RNF144B: variants seen among roughly 807,000 people sequenced by gnomAD.
RNF144B encodes E3 ubiquitin-protein ligase RNF144B.
RNF144B carries 25 observed loss-of-function variants against 40.2 expected under a neutral mutation model. The ratio of observed to expected loss-of-function variants is 0.62; its 90% CI spans 0.45 to 0.87. RNF144B has a LOEUF of 0.87. RNF144B is among the 40% of genes least tolerant of loss of function. The pLI is 0.00. For missense variants in RNF144B, 365 were observed against 373.7 expected (o/e 0.98, Z 0.19); for synonymous variants, 145 against 136.3 (o/e 1.06, Z -0.44).
In RNF144B at chr6:18,463,327, T is replaced by C. The variant is rs757556670; in HGVS notation, c.718T>C (p.Cys240Arg). ...CCTCAGACATTATGACAAAGGGCCA[T>C]GCAGGAATAAACTTGGCCACTCAAG... ...IFLRHYDKGP[C>R]RNKLGHSRAS... The change falls in exon 7 of 8, where the codon TGC becomes CGC. Residue 240 changes from cysteine to arginine, a missense_variant. Cys to Arg is a radical substitution (Grantham distance 180, BLOSUM62 -3). Transcript: ENST00000259939. 7 of 1,610,640 alleles carry C rather than the reference T, an allele frequency of 4.3e-6. No individual in the cohort carries two copies. The Admixed American group carries it at 5.0e-5, about 12-fold the overall frequency.
chr6:18,432,441 CT>C (rs1276506925), intron 3 of RNF144B, among the ~76,000 whole-genome samples: 2 of 152,224 alleles, frequency 1.3e-5, no homozygotes, highest in African/African-American at 4.8e-5. Context: ...TCATCTGGTA[CT>C]TTTAGCTTTT....
rs1795192897 is a variant in RNF144B at position 18,418,603 on chromosome 6, G to A, written c.166-8978G>A. ...GGAGAAATGGGGAGCATGTACTAAT[G>A]GGCACAGAGTTTCTTTTGGGATTAT... On this transcript the variant is annotated intron_variant, in intron 2 of 7. Coordinates refer to ENST00000259939, the MANE Select transcript of RNF144B (RefSeq NM_182757.4). The surrounding 1 kb of genome is among the most constrained non-coding windows in gnomAD (Gnocchi z 5.2). 6.6e-6 allele frequency among the ~76,000 whole-genome samples: 1 copy of A among 152,030 alleles called. No homozygotes were observed. Among genetic ancestry groups the A allele is most frequent in the South Asian group, 2.1e-4 (1 of 4,828 alleles).
At position 18,459,159 on chromosome 6, in the gene RNF144B, T is replaced by C. The variant is rs1376281450; in HGVS notation, c.537-448T>C. Among the ~76,000 whole-genome samples the C allele has an allele frequency of 6.6e-6, 1 of 152,238 alleles. No homozygotes were observed. The highest frequency in any genetic ancestry group is 1.5e-5 in the Non-Finnish European group (1 of 68,056). The stretch of plus-strand genomic sequence containing the variant: ...AGCCTGTATTGGTCTATTCGTCTGT[T>C]TGGAGAAGGTCTTTTGAAAGTATTT... On this transcript the variant is annotated intron_variant, in intron 5 of 7. Coordinates refer to ENST00000259939, the MANE Select transcript of RNF144B (RefSeq NM_182757.4). The surrounding 1 kb of genome is among the most constrained non-coding windows in gnomAD (Gnocchi z 4.2).
Position 18,422,379 on chromosome 6 carries a change from G to A in RNF144B, c.166-5202G>A, listed in dbSNP as rs1321997118. On this transcript the variant is annotated intron_variant, in intron 2 of 7. Transcript: ENST00000259939. This position sits in a 1 kb window ranked among gnomAD's most constrained non-coding sequence, Gnocchi z 4.7. ...CATTGTGATGTCATTGTGCACTGAGGCAGGGAAATGTTAGTCTACATTTTA... is the reference window on the plus strand; with the variant it reads ...CATTGTGATGTCATTGTGCACTGAGACAGGGAAATGTTAGTCTACATTTTA... Among the ~76,000 whole-genome samples, 1 of 152,192 alleles carries A rather than the reference G, an allele frequency of 6.6e-6. No individual in the cohort carries two copies. Among genetic ancestry groups the A allele is most frequent in the Admixed American group, 6.5e-5 (1 of 15,282 alleles).
intron 3 of RNF144B, 146 bp from the exon 4 acceptor site, chr6:18,439,538 A>G (rs1175230027): frequency 3.3e-6 from 2 of 612,146 alleles, no homozygotes; most frequent in Non-Finnish European, 6.0e-6. Context: ...GTGTTTTACT[A>G]CATGAACAGT....
intron 3 of RNF144B, among the ~76,000 whole-genome samples, chr6:18,432,870 G>A (rs729378): frequency 2.6e-4 from 40 of 152,068 alleles, no homozygotes; most frequent in African/African-American, 8.7e-4. Context: ...TGCTAGTGCC[G>A]CAGTGTGCAC....
At chr6:18,453,137 CTTTT>C (rs33972716) in intron 4 of RNF144B, among the ~76,000 whole-genome samples, 2 of 103,370 alleles carry the variant, frequency 1.9e-5, no homozygotes, top group Admixed American at 1.2e-4. Context: ...TTTCTGTCTG[CTTTT>C]TTTTTTTTTT....
chr6:18,417,875 A>G (rs1487347498), intron 2 of RNF144B, among the ~76,000 whole-genome samples: 3 of 152,202 alleles, frequency 2.0e-5, no homozygotes, highest in African/African-American at 7.2e-5. Flanking sequence ...AATTCTTACA[A>G]CTCAGTAATG....
chr6:18,387,706 C>A (rs1018348152), intron 1 of RNF144B, 76 bp downstream of exon 1: 14 of 1,198,022 alleles, frequency 1.2e-5, no homozygotes, highest in South Asian at 1.3e-5. Flanking sequence ...GGAAAAAGGA[C>A]AGGAAACTCA....
In RNF144B at chr6:18,459,773, T is replaced by G; in HGVS notation, c.681+22T>G. 6.2e-7 allele frequency: 1 copy of G among 1,611,984 alleles called. No individual in the cohort carries two copies. The highest frequency in any genetic ancestry group is 8.5e-7 in the Non-Finnish European group (1 of 1,178,176). ...GGATGTAAGTTCCACCTAGGTTTGT[T>G]GTATGGTGTTTCCTATACTGTATCT... On this transcript the variant is annotated intron_variant, in intron 6 of 7. Coordinates refer to ENST00000259939, the MANE Select transcript of RNF144B (RefSeq NM_182757.4). This position sits in a 1 kb window ranked among gnomAD's most constrained non-coding sequence, Gnocchi z 4.2.
At chr6:18,393,269 T>C (rs916252797) in intron 1 of RNF144B, among the ~76,000 whole-genome samples, 1 of 152,238 alleles carries the variant, frequency 6.6e-6, no homozygotes. Flanking sequence ...ATTGAAAGAA[T>C]GTACGCTGGT....
At position 18,405,979 on chromosome 6, in the gene RNF144B, G is replaced by T. The variant is rs1794896165; in HGVS notation, c.165+6280G>T. ...TAGTTCCCCCACCCTCCTAATGAAA[G>T]AAGTCATTTTCTGGGATGCCAGTAT... On this transcript the variant is annotated intron_variant, in intron 2 of 7. Coordinates refer to ENST00000259939, the MANE Select transcript of RNF144B (RefSeq NM_182757.4). This position sits in a 1 kb window ranked among gnomAD's most constrained non-coding sequence, Gnocchi z 4.5. The T allele has an allele frequency of 7.9e-6, 4 of 507,880 alleles. No homozygotes were observed. The highest frequency in any genetic ancestry group is 1.6e-5 in the Non-Finnish European group (4 of 253,870). 31.5% of individuals were successfully genotyped at this position (507,880 alleles called of 1,614,324 possible).
intron 3 of RNF144B, among the ~76,000 whole-genome samples, chr6:18,429,202 A>G (rs10949505): frequency 0.12 from 18,267 of 152,070 alleles, 1,317 homozygotes; most frequent in Admixed American, 0.19. Flanking sequence ...CATCTCTTAA[A>G]AAAAATGGGA....
At chr6:18,463,489 C>T (rs1185744448) in intron 7 of RNF144B, 109 bp downstream of exon 7, 6 of 691,456 alleles carry the variant, frequency 8.7e-6, no homozygotes, top group Non-Finnish European at 1.3e-5. Context: ...CCATCCCAGC[C>T]TGGGAGCTTC....
chr6:18,448,289 T>C lies in RNF144B; in HGVS notation c.331+8545T>C, dbSNP rs748084460. The stretch of plus-strand genomic sequence containing the variant: ...CGGATTTCAGTGCCAGATGGAGGGA[T>C]TGGATTTACTTGGGGGTAGGTTTAG... On this transcript the variant is annotated intron_variant, in intron 4 of 7. Transcript: ENST00000259939. This position sits in a 1 kb window ranked among gnomAD's most constrained non-coding sequence, Gnocchi z 4.0. Among the ~76,000 whole-genome samples the C allele has an allele frequency of 6.6e-5, 10 of 151,882 alleles. No individual in the cohort carries two copies. Among genetic ancestry groups the C allele is most frequent in the South Asian group, 4.2e-4 (2 of 4,806 alleles).
chr6:18,397,651 A>G (rs1430756268), intron 1 of RNF144B, among the ~76,000 whole-genome samples: 1 of 152,032 alleles, frequency 6.6e-6, no homozygotes, highest in African/African-American at 2.4e-5. Flanking sequence ...GGGGAGACAA[A>G]TTTTGTTTCT....
rs964635584 is a variant in RNF144B at position 18,419,777 on chromosome 6, T to C, written c.166-7804T>C. Among the ~76,000 whole-genome samples, 4 of 151,926 alleles carry C rather than the reference T, an allele frequency of 2.6e-5. No individual in the cohort carries two copies. Among genetic ancestry groups the C allele is most frequent in the African/African-American group, 9.7e-5 (4 of 41,364 alleles). ...CATTTGATTGTGAAGAGTTGAGGAG[T>C]GAAGAAGGCAGTATACAGCCAGGAA... On this transcript the variant is annotated intron_variant, in intron 2 of 7. Transcript: ENST00000259939. The surrounding 1 kb of genome is among the most constrained non-coding windows in gnomAD (Gnocchi z 4.6).
Position 18,441,763 on chromosome 6 carries a change from TC to T in RNF144B, c.331+2021del, listed in dbSNP as rs1037218953. ...TCCTTAATATTTCTGCATCTCAACT[TC>T]CTCATCTGTGAAATGGGGATAACAA... On this transcript the variant is annotated intron_variant, in intron 4 of 7. Coordinates refer to ENST00000259939, the MANE Select transcript of RNF144B (RefSeq NM_182757.4). The surrounding 1 kb of genome is among the most constrained non-coding windows in gnomAD (Gnocchi z 4.9). Among the ~76,000 whole-genome samples the T allele has an allele frequency of 3.8e-4, 58 of 152,290 alleles. No individual in the cohort carries two copies. Among genetic ancestry groups the T allele is most frequent in the African/African-American group, 1.3e-3 (53 of 41,576 alleles).
intron 1 of RNF144B, 131 bp downstream of exon 1, chr6:18,387,761 C>T (rs551504987): frequency 1.7e-6 from 1 of 582,052 alleles, no homozygotes; most frequent in African/African-American, 2.0e-5. Context: ...AGTGCTCAAA[C>T]CATACAGAAC....
Sources: gnomAD v4.1 joint callset for allele counts (sites outside exome capture counted in the v4.1 genomes callset) on GRCh38, gnomAD v4.1.1 for gene constraint, Gnocchi (gnomAD v3.1) non-coding constraint, MANE v1.5 for transcripts, NCBI Gene and HGNC (gene_info 2026-07-23, HGNC 2026-07-21) for gene names.